MPC2: variants seen among roughly 807,000 people sequenced by gnomAD.
MPC2 encodes brain protein 44.
MPC2 carries 19 observed loss-of-function variants against 19.2 expected under a neutral mutation model. That is an observed-to-expected ratio of 0.99 (90% CI 0.69 to 1.45). MPC2 has a LOEUF of 1.45. MPC2 is among the 40% of genes most tolerant of loss of function. The pLI, the probability that MPC2 is intolerant of heterozygous loss-of-function variation, is 0.00. For missense variants in MPC2, 122 were observed against 153.0 expected, an observed-to-expected ratio of 0.80 and a Z score of 1.07; for synonymous variants, 61 against 54.3, an observed-to-expected ratio of 1.12 and a Z score of -0.54.
At chr1:167,921,152 G>C (rs1169243934) in intron 3 of MPC2, among the ~76,000 whole-genome samples, 2 of 151,930 alleles carry the variant, frequency 1.3e-5, no homozygotes, top group Non-Finnish European at 2.9e-5. Context: ...GTGATGCTGA[G>C]GTTTGGGCTT....
intron 2 of MPC2, among the ~76,000 whole-genome samples, chr1:167,930,384 T>C (rs1670873958): frequency 1.3e-5 from 2 of 152,202 alleles, no homozygotes; most frequent in African/African-American, 4.8e-5. Context: ...AATCATCTAC[T>C]GTAGGCACTC....
At chr1:167,925,519 C>T (rs1456604041) in intron 2 of MPC2, among the ~76,000 whole-genome samples, 1 of 111,298 alleles carries the variant, frequency 9.0e-6, no homozygotes, top group Admixed American at 9.2e-5. Flanking sequence ...ATACAAACAA[C>T]GTTTTTTTTT....
chr1:167,936,076 G>A, intron 1 of MPC2, 178 bp from the exon 2 acceptor site: 1 of 570,862 alleles, frequency 1.8e-6, no homozygotes, highest in East Asian at 3.0e-5. Flanking sequence ...TCCGCCTCCG[G>A]CCCCCGGCAG....
At chr1:167,930,705 A>G (rs1670882502) in intron 2 of MPC2, among the ~76,000 whole-genome samples, 1 of 152,234 alleles carries the variant, frequency 6.6e-6, no homozygotes, top group Non-Finnish European at 1.5e-5. Flanking sequence ...AGCAACGACT[A>G]GAACACAGTT....
intron 2 of MPC2, among the ~76,000 whole-genome samples, 183 bp from the exon 3 acceptor site, chr1:167,924,720 T>C (rs756530997): frequency 6.6e-6 from 1 of 152,196 alleles, no homozygotes; most frequent in Non-Finnish European, 1.5e-5. Context: ...AGTATCACAG[T>C]ACAGTTGACC....
At chr1:167,921,233 T>G (rs898745283) in intron 3 of MPC2, among the ~76,000 whole-genome samples, 12 of 151,946 alleles carry the variant, frequency 7.9e-5, no homozygotes, top group African/African-American at 2.9e-4. Flanking sequence ...TTAGATCATT[T>G]TTTTTTTTTT....
At position 167,918,346 on chromosome 1, in the gene MPC2, G is replaced by C. The variant is rs1571503198; in HGVS notation, c.361C>G (p.Leu121Val). Residue 121 changes from leucine to valine, a missense_variant, in exon 6 of 6, where the codon CTA (leucine) becomes GTA (valine). Physicochemically the swap from Leu to Val is conservative, Grantham distance 32. Coordinates refer to ENST00000271373, the MANE Select transcript of MPC2 (RefSeq NM_001143674.4). Reference protein sequence around the residue: ...LFRIWRYNQELKAKAHK With the variant: ...LFRIWRYNQEVKAKAHK ...TTTTATTTGTGTGCTTTAGCTTTTA[G>C]TTCTTGGTTATATCTATAAAGAAAA... 6.4e-7 allele frequency: 1 copy of C among 1,561,924 alleles called. No individual in the cohort carries two copies. The highest frequency in any genetic ancestry group is 8.8e-7 in the Non-Finnish European group (1 of 1,135,912).
chr1:167,936,507 A>T (rs1671229540), intron 1 of MPC2: 1 of 217,418 alleles, frequency 4.6e-6, no homozygotes, highest in Admixed American at 5.6e-5. Flanking sequence ...GCATTCTTCC[A>T]GGGTGAGGGC....
At chr1:167,933,169 G>T (rs953342302) in intron 2 of MPC2, among the ~76,000 whole-genome samples, 14 of 139,258 alleles carry the variant, frequency 1.0e-4, no homozygotes, top group Non-Finnish European at 1.6e-4. Context: ...AAACACATTA[G>T]TTTTTTTTTT....
intron 5 of MPC2, 119 bp from the exon 6 acceptor site, chr1:167,918,478 G>T: frequency 1.7e-6 from 1 of 577,436 alleles, no homozygotes; most frequent in Non-Finnish European, 2.9e-6. Context: ...CTATACAGTT[G>T]TAAACAGAAT....
intron 1 of MPC2, chr1:167,936,484 G>C (rs1004325212): frequency 4.3e-5 from 9 of 208,704 alleles, no homozygotes; most frequent in Non-Finnish European, 2.9e-5. Context: ...GATCTGGTTA[G>C]AGTGGCCCGA....
At chr1:167,936,680 T>G (rs1216244958) in intron 1 of MPC2, 2 of 488,248 alleles carry the variant, frequency 4.1e-6, no homozygotes, top group Admixed American at 3.9e-5. Flanking sequence ...GTTGCTGATC[T>G]TTGGATGTTC....
chr1:167,928,742 C>T (rs947741988), intron 2 of MPC2, among the ~76,000 whole-genome samples: 1 of 152,148 alleles, frequency 6.6e-6, no homozygotes, highest in African/African-American at 2.4e-5. Context: ...AATTATGACA[C>T]GTGAAGTGAT....
rs1386632483 is a variant in MPC2 at position 167,937,004 on chromosome 1, C to T, written c.-123G>A. The T allele has an allele frequency of 6.2e-7, 1 of 1,608,406 alleles. No individual in the cohort carries two copies. The highest frequency in any genetic ancestry group is 8.5e-7 in the Non-Finnish European group (1 of 1,178,112). Reference sequence around the variant, plus strand: ...ACCCGTCCCGGCTGCGGAGTCGCTACCTGGGTGAGCGGGGGCCCCGGGGCG... The same window carrying T: ...ACCCGTCCCGGCTGCGGAGTCGCTATCTGGGTGAGCGGGGGCCCCGGGGCG... On this transcript the variant is annotated 5_prime_UTR_variant, in exon 1 of 6. Transcript: ENST00000271373.
At chr1:167,934,116 A>G (rs1158687217) in intron 2 of MPC2, among the ~76,000 whole-genome samples, 4 of 152,240 alleles carry the variant, frequency 2.6e-5, no homozygotes, top group African/African-American at 9.6e-5. Flanking sequence ...AAGGATTTTC[A>G]GGTGAAATGC....
chr1:167,924,574 C>A (rs1670686615), intron 2 of MPC2, 37 bp from the exon 3 acceptor site: 9 of 1,434,054 alleles, frequency 6.3e-6, no homozygotes, highest in Admixed American at 2.7e-5. Context: ...CAGGAATAAA[C>A]CAAATATATT....
chr1:167,925,456 T>TAC (rs1670718552), intron 2 of MPC2, among the ~76,000 whole-genome samples: 1 of 111,910 alleles, frequency 8.9e-6, no homozygotes. Context: ...TATATATATA[T>TAC]ATATATATAT....
chr1:167,934,559 A>T (rs1248092008), intron 2 of MPC2, among the ~76,000 whole-genome samples: 1 of 152,228 alleles, frequency 6.6e-6, no homozygotes, highest in Non-Finnish European at 1.5e-5. Flanking sequence ...AATAATATTA[A>T]GGGTTAGAGT....
intron 2 of MPC2, among the ~76,000 whole-genome samples, chr1:167,925,024 G>A (rs1303525714): frequency 6.6e-6 from 1 of 152,084 alleles, no homozygotes; most frequent in Non-Finnish European, 1.5e-5. Flanking sequence ...TGCTTAGTAT[G>A]CAGGTTTTGA....
Sources: gnomAD v4.1 joint callset for allele counts (sites outside exome capture counted in the v4.1 genomes callset) on GRCh38, gnomAD v4.1.1 for gene constraint, MANE v1.5 for transcripts, NCBI Gene and HGNC (gene_info 2026-07-23, HGNC 2026-07-21) for gene names.